The following CTXND2 variants were observed in gnomAD, a reference collection of about 807,000 sequenced individuals.
CTXND2 encodes cortexin domain containing 2.
intron 1 of CTXND2, among the ~76,000 whole-genome samples, chr1:150,901,772 G>C (rs1669040090): frequency 6.6e-6 from 1 of 151,494 alleles, no homozygotes; most frequent in African/African-American, 2.4e-5. Flanking sequence ...AAAAAAATTA[G>C]CTGGGCATGG....
At chr1:150,903,407 T>G (rs938153096) in intron 1 of CTXND2, among the ~76,000 whole-genome samples, 14 of 152,136 alleles carry the variant, frequency 9.2e-5, no homozygotes, top group East Asian at 3.8e-4. Flanking sequence ...CTGTCTGTCT[T>G]AACCTAGCCC....
intron 1 of CTXND2, among the ~76,000 whole-genome samples, chr1:150,909,406 AAT>A (rs1476426334): frequency 2.0e-5 from 3 of 151,742 alleles, no homozygotes; most frequent in Non-Finnish European, 4.4e-5. Context: ...AACAAAAAAC[AAT>A]TAGCCGGGCA....
At chr1:150,908,704 C>A (rs1669195893) in intron 1 of CTXND2, among the ~76,000 whole-genome samples, 1 of 151,954 alleles carries the variant, frequency 6.6e-6, no homozygotes, top group African/African-American at 2.4e-5. Flanking sequence ...CTCACTATAA[C>A]CCTGAACTCC....
intron 1 of CTXND2, among the ~76,000 whole-genome samples, chr1:150,892,130 G>A (rs1322187233): frequency 2.0e-5 from 3 of 152,144 alleles, no homozygotes; most frequent in African/African-American, 7.2e-5. Flanking sequence ...AGTGAGATCT[G>A]CAAGTGCCAG....
intron 1 of CTXND2, among the ~76,000 whole-genome samples, chr1:150,890,113 T>G (rs1045738887): frequency 6.6e-6 from 1 of 152,142 alleles, no homozygotes; most frequent in African/African-American, 2.4e-5. Flanking sequence ...CATCTTGTAT[T>G]CTGTATTGGG....
chr1:150,899,630 A>AT (rs35804421), intron 1 of CTXND2, among the ~76,000 whole-genome samples: 1 of 152,152 alleles, frequency 6.6e-6, no homozygotes, highest in Non-Finnish European at 1.5e-5. Flanking sequence ...TTAAATAAAA[A>AT]TTTTTTGCAT....
chr1:150,898,426 A>G (rs981727003), intron 1 of CTXND2, among the ~76,000 whole-genome samples: 1 of 151,940 alleles, frequency 6.6e-6, no homozygotes, highest in African/African-American at 2.4e-5. Flanking sequence ...ACTGGACCCT[A>G]TCTGTGGAGT....
chr1:150,900,740 A>G (rs189070712), intron 1 of CTXND2, among the ~76,000 whole-genome samples: 2 of 152,332 alleles, frequency 1.3e-5, no homozygotes, highest in East Asian at 1.9e-4. Flanking sequence ...TGTATAAACA[A>G]TATTTAAAAA....
At chr1:150,901,717 A>G (rs921979327) in intron 1 of CTXND2, among the ~76,000 whole-genome samples, 2 of 150,626 alleles carry the variant, frequency 1.3e-5, no homozygotes, top group Admixed American at 1.3e-4. Context: ...GATCAAGACC[A>G]TCCTGGCTAA....
chr1:150,903,829 G>A, intron 1 of CTXND2: 3 of 472,118 alleles, frequency 6.4e-6, no homozygotes, highest in South Asian at 1.8e-5. Flanking sequence ...CCTTTATGGA[G>A]AGAGTGGGAT....
At chr1:150,904,052 A>T (rs1669092260) in intron 1 of CTXND2, 1 of 658,176 alleles carries the variant, frequency 1.5e-6, no homozygotes, top group South Asian at 1.4e-5. Flanking sequence ...CACAGATGCC[A>T]ATAAGAACAA....
intron 1 of CTXND2, among the ~76,000 whole-genome samples, chr1:150,903,039 T>G (rs763185244): frequency 3.9e-5 from 6 of 152,186 alleles, no homozygotes; most frequent in Admixed American, 1.3e-4. Flanking sequence ...GGTTATCAGA[T>G]CCCTCTTTGG....
intron 1 of CTXND2, chr1:150,903,774 C>G (rs1669085562): frequency 1.3e-5 from 5 of 372,866 alleles, no homozygotes; most frequent in South Asian, 1.1e-4. Flanking sequence ...GCCCTCCAGC[C>G]TGAGCGACAG....
exon 2 of CTXND2, chr1:150,912,935 T>G (rs1669281284): frequency 6.6e-6 from 1 of 152,306 alleles, no homozygotes; most frequent in Non-Finnish European, 1.5e-5. Context: ...AAATCTGCTG[T>G]TCTTAAGTGG....
chr1:150,893,892 C>A (rs991748780), intron 1 of CTXND2, among the ~76,000 whole-genome samples: 1 of 152,094 alleles, frequency 6.6e-6, no homozygotes. Context: ...AAAAATTGCA[C>A]CCTCAGGCAT....
intron 1 of CTXND2, among the ~76,000 whole-genome samples, chr1:150,902,376 A>G (rs903257281): frequency 2.0e-5 from 3 of 151,666 alleles, no homozygotes; most frequent in South Asian, 2.1e-4. Context: ...CACTGCACTC[A>G]AGCCTGGGCA....
At chr1:150,900,973 A>G (rs1466545856) in intron 1 of CTXND2, among the ~76,000 whole-genome samples, 7 of 152,112 alleles carry the variant, frequency 4.6e-5, no homozygotes, top group Non-Finnish European at 8.8e-5. Context: ...TTAGCTGCAC[A>G]TGGTGGCATG....
intron 1 of CTXND2, among the ~76,000 whole-genome samples, chr1:150,897,168 A>G (rs1411264962): frequency 6.6e-6 from 1 of 152,220 alleles, no homozygotes; most frequent in African/African-American, 2.4e-5. Flanking sequence ...TTTTGATCAG[A>G]TGACTGATCA....
At chr1:150,899,129 T>C (rs745937131) in intron 1 of CTXND2, among the ~76,000 whole-genome samples, 74 of 58,812 alleles carry the variant, frequency 1.3e-3, no homozygotes, top group South Asian at 8.3e-3. Flanking sequence ...AATAAATAAA[T>C]AAACAAACAA....
Sources: allele counts gnomAD v4.1 joint callset (sites outside exome capture counted in the v4.1 genomes callset), GRCh38; gene constraint gnomAD v4.1.1; transcripts MANE v1.5; gene names NCBI Gene and HGNC (gene_info 2026-07-23, HGNC 2026-07-21).